Variants in BPIFB3 observed in about 807,000 individuals in gnomAD.
The protein encoded by BPIFB3 is BPI fold-containing family B member 3.
BPIFB3 carries 49 observed loss-of-function variants against 53.1 expected under a neutral mutation model. The ratio of observed to expected loss-of-function variants is 0.92; its 90% confidence interval spans 0.73 to 1.17. The LOEUF (loss-of-function observed/expected upper bound fraction) is 1.17. Ranked by LOEUF, BPIFB3 falls within the 50% of genes most tolerant of loss-of-function variation. The pLI is 0.00. For synonymous variants in BPIFB3, 271 were observed against 269.6 expected (o/e 1.01, Z -0.05); for missense variants, 628 against 592.5 (o/e 1.06, Z -0.62).
chr20:33,065,024 C>T (rs1270067847), intron 8 of BPIFB3, among the ~76,000 whole-genome samples, 179 bp downstream of exon 9: 1 of 152,174 alleles, frequency 6.6e-6, no homozygotes, highest in Non-Finnish European at 1.5e-5. Flanking sequence ...TTAGGGGAGA[C>T]ATTGCTAATC....
intron 2 of BPIFB3, among the ~76,000 whole-genome samples, 174 bp from the exon 4 acceptor site, chr20:33,059,204 C>T (rs1980337670): frequency 6.6e-6 from 1 of 152,052 alleles, no homozygotes; most frequent in Non-Finnish European, 1.5e-5. Context: ...CTAGTATCGC[C>T]CCACTTTACA....
intron 9 of BPIFB3, among the ~76,000 whole-genome samples, chr20:33,068,231 C>CA (rs1980743528): frequency 6.6e-6 from 1 of 152,218 alleles, no homozygotes; most frequent in South Asian, 2.1e-4. Context: ...GAAACAGAGA[C>CA]AGTGTCAGAA....
At position 33,073,521 on chromosome 20, in the gene BPIFB3, G is replaced by A. The variant is rs1426182357; in HGVS notation, c.1402-55G>A. 4.4e-6 allele frequency: 7 copies of A among 1,605,056 alleles called. No individual in the cohort carries two copies. In the South Asian group the frequency reaches 6.6e-5, roughly 15 times the overall value. On this transcript the variant is annotated intron_variant, in intron 14 of 14. Transcript: ENST00000375494. ...GGCAGGGGAGTAAAGATGGCTGCAG[G>A]GATGGGGCATTGCAGAGACTCAGGG...
intron 2 of BPIFB3, 24 bp from the exon 4 acceptor site, chr20:33,059,354 C>T (rs745600640): frequency 1.9e-6 from 3 of 1,577,616 alleles, no homozygotes; most frequent in Admixed American, 1.7e-5. Context: ...GAGTGAGCAA[C>T]CCTCTCCCTG....
intron 5 of BPIFB3, among the ~76,000 whole-genome samples, chr20:33,062,914 G>A (rs1186923735): frequency 6.6e-6 from 1 of 152,190 alleles, no homozygotes; most frequent in Non-Finnish European, 1.5e-5. Context: ...CTTGACATGT[G>A]ACAGCCCTCT....
At chr20:33,065,792 C>A (rs1980647122) in intron 8 of BPIFB3, among the ~76,000 whole-genome samples, 1 of 152,164 alleles carries the variant, frequency 6.6e-6, no homozygotes, top group Non-Finnish European at 1.5e-5. Flanking sequence ...CTGGGCTCCC[C>A]ACCTGTAGCT....
chr20:33,057,312 C>T (rs1184204879), intron 2 of BPIFB3, among the ~76,000 whole-genome samples: 1 of 152,116 alleles, frequency 6.6e-6, no homozygotes, highest in Non-Finnish European at 1.5e-5. Flanking sequence ...CCTCAGCCTC[C>T]CGAGTAGCTG....
At chr20:33,054,606 T>C (rs1361604829), upstream of BPIFB3, among the ~76,000 whole-genome samples, 3 of 152,050 alleles carry the variant, frequency 2.0e-5, no homozygotes, top group Non-Finnish European at 4.4e-5. Flanking sequence ...GGAAGGGGCC[T>C]GGCATGTTTA....
intron 8 of BPIFB3, 146 bp downstream of exon 9, chr20:33,064,991 A>T: frequency 1.1e-6 from 1 of 886,356 alleles, no homozygotes; most frequent in Non-Finnish European, 1.7e-6. Context: ...GAGTGTGTAC[A>T]CTGCTGTTCT....
Position 33,060,016 on chromosome 20 carries a change from T to A in BPIFB3, c.512T>A (p.Ile171Asn), listed in dbSNP as rs974590382. 3.7e-6 allele frequency: 6 copies of A among 1,614,004 alleles called. 1 individual carries two copies. The highest frequency in any genetic ancestry group is 1.7e-5 in the Admixed American group (1 of 60,026). The change falls in exon 4 of 15, where the codon ATC becomes AAC. Residue 171 changes from isoleucine to asparagine, a missense_variant. Ile to Asn is a moderately radical substitution (Grantham distance 149, BLOSUM62 -3). Transcript: ENST00000375494. ...CGCTGCAGCACGCTCCTGGGCCACATCAGCCTGTTCTCAGGGTGAGTCTGC... is the reference window on the plus strand; with the variant it reads ...CGCTGCAGCACGCTCCTGGGCCACAACAGCCTGTTCTCAGGGTGAGTCTGC...
intron 4 of BPIFB3, among the ~76,000 whole-genome samples, chr20:33,060,983 C>A: frequency 6.6e-6 from 1 of 152,226 alleles, no homozygotes; most frequent in East Asian, 1.9e-4. Context: ...AAGGCCTCTG[C>A]CAGCACTCTG....
At chr20:33,059,575 C>T (rs1600537481) in intron 3 of BPIFB3, 93 bp downstream of exon 4, 9 of 885,142 alleles carry the variant, frequency 1.0e-5, no homozygotes, top group Non-Finnish European at 1.6e-5. Context: ...CCACTCCCAC[C>T]CCTCTGTATC....
chr20:33,073,023 C>A lies in BPIFB3; in HGVS notation c.1401+230C>A, dbSNP rs79293361. On this transcript the variant is annotated intron_variant, in intron 14 of 14. Coordinates refer to ENST00000375494, the Ensembl canonical transcript of BPIFB3. Reference sequence around the variant, plus strand: ...CATGGCAGACATCATCAATCAATCACGGAGTTCTTTCCCATTGGATTCAGA... The same window carrying A: ...CATGGCAGACATCATCAATCAATCAAGGAGTTCTTTCCCATTGGATTCAGA... 2.1e-4 allele frequency among the ~76,000 whole-genome samples: 32 copies of A among 152,342 alleles called. No homozygotes were observed. The East Asian group carries it at 6.2e-3, about 29-fold the overall frequency.
intron 6 of BPIFB3, 117 bp downstream of exon 7, chr20:33,063,792 C>T (rs1164321217): frequency 1.2e-5 from 12 of 1,024,054 alleles, no homozygotes; most frequent in Non-Finnish European, 1.6e-5. Context: ...CCTTTAGTTC[C>T]TCCTCACACT....
intron 3 of BPIFB3, 29 bp downstream of exon 4, chr20:33,059,511 C>T: frequency 6.6e-7 from 1 of 1,524,562 alleles, no homozygotes; most frequent in Admixed American, 1.8e-5. Flanking sequence ...CCTCTACCCT[C>T]CTGCTTCCTA....
At chr20:33,062,754 T>C (rs1374908927) in intron 5 of BPIFB3, among the ~76,000 whole-genome samples, 1 of 152,212 alleles carries the variant, frequency 6.6e-6, no homozygotes, top group Non-Finnish European at 1.5e-5. Flanking sequence ...GGCTGCCTGA[T>C]ACCTCCCTCC....
chr20:33,060,178 T>C (rs1980394602), intron 4 of BPIFB3, 147 bp downstream of exon 5: 1 of 1,095,004 alleles, frequency 9.1e-7, no homozygotes, highest in South Asian at 1.6e-5. Flanking sequence ...TTCAACCCAC[T>C]TCACAGACCG....
At chr20:33,054,347 A>T (rs1053668949), upstream of BPIFB3, among the ~76,000 whole-genome samples, 5 of 152,132 alleles carry the variant, frequency 3.3e-5, no homozygotes, top group Admixed American at 1.3e-4. Context: ...CCCTGCCTTC[A>T]TGGAGTTTAC....
At chr20:33,068,850 G>T in exon 10 of BPIFB3, 1 of 1,613,972 alleles carries the variant, frequency 6.2e-7, no homozygotes. Flanking sequence ...TGTTCCTGCG[G>T]GTGAGGGAAG....
Sources: allele counts gnomAD v4.1 joint callset (sites outside exome capture counted in the v4.1 genomes callset), GRCh38; gene constraint gnomAD v4.1.1; transcripts MANE v1.5; gene names NCBI Gene and HGNC (gene_info 2026-07-23, HGNC 2026-07-21).